The following EPB41L3 variants were observed in gnomAD, a reference collection of about 807,000 sequenced individuals.
The protein encoded by EPB41L3 is band 4.1-like protein 3.
In EPB41L3, 57 loss-of-function variants were observed where a neutral mutation model predicts 127.1. That is an observed-to-expected ratio of 0.45 (90% confidence interval 0.36 to 0.56). The LOEUF (loss-of-function observed/expected upper bound fraction) is 0.56, where lower values mean the gene tolerates loss of function less well. Ranked by LOEUF, EPB41L3 falls within the 20% of genes least tolerant of loss-of-function variation. The probability of loss-of-function intolerance (pLI) is 0.00; values close to 1 mark genes in which losing one functional copy is unlikely to be tolerated. For missense variants in EPB41L3, 1,273 were observed against 1,372.2 expected (o/e 0.93, Z 1.14); for synonymous variants, 572 against 549.5 (o/e 1.04, Z -0.57).
intron 3 of EPB41L3, among the ~76,000 whole-genome samples, chr18:5,573,309 G>C (rs1203418620): frequency 6.6e-6 from 1 of 152,174 alleles, no homozygotes; most frequent in East Asian, 1.9e-4. Context: ...TCTACCCACA[G>C]AAGTAAGAGA....
At chr18:5,615,261 T>C (rs1432252631) in intron 1 of EPB41L3, among the ~76,000 whole-genome samples, 1 of 152,138 alleles carries the variant, frequency 6.6e-6, no homozygotes, top group African/African-American at 2.4e-5. Context: ...TTGAGAAGCA[T>C]GGAGCAAGGA....
chr18:5,622,100 T>C (rs2094869603), intron 1 of EPB41L3, among the ~76,000 whole-genome samples: 1 of 152,170 alleles, frequency 6.6e-6, no homozygotes, highest in East Asian at 1.9e-4. Context: ...GAAAATTACA[T>C]TTAAATATAC....
chr18:5,415,925 G>T lies in EPB41L3; in HGVS notation c.1960C>A (p.Leu654Ile), dbSNP rs765056012. The T allele has an allele frequency of 6.2e-7, 1 of 1,613,980 alleles. No individual in the cohort carries two copies. The highest frequency in any genetic ancestry group is 8.5e-7 in the Non-Finnish European group (1 of 1,180,038). The change falls in exon 13 of 23, where the codon CTC becomes ATC. Residue 654 changes from leucine to isoleucine, a missense_variant. Leu to Ile is a conservative substitution (Grantham distance 5, BLOSUM62 2). This residue lies in a region of EPB41L3 where 765 missense variants were observed against 782.9 expected (regional missense o/e 0.98). Transcript: ENST00000341928. ...LSASFSVPYA[L>I]TLSFPLALCL... ...AGAGCCAGAGGGAAGGAGAGAGTGA[G>T]AGCGTATGGCACTGAGAAGGAGGCA...
At chr18:5,427,126 C>A (rs949362361) in intron 9 of EPB41L3, among the ~76,000 whole-genome samples, 4 of 152,106 alleles carry the variant, frequency 2.6e-5, no homozygotes, top group South Asian at 2.1e-4. Flanking sequence ...CCCTTGGCCT[C>A]CCAAAGTTCT....
At chr18:5,557,147 C>T (rs932100671) in intron 3 of EPB41L3, among the ~76,000 whole-genome samples, 10 of 152,090 alleles carry the variant, frequency 6.6e-5, no homozygotes, top group African/African-American at 2.2e-4. Context: ...AATGCTGGGA[C>T]GAAGCAGCCA....
At chr18:5,594,367 C>T (rs1007013824) in intron 3 of EPB41L3, among the ~76,000 whole-genome samples, 5 of 152,160 alleles carry the variant, frequency 3.3e-5, no homozygotes, top group Non-Finnish European at 7.3e-5. Flanking sequence ...GTAAACCTCT[C>T]AATTACATTT....
intron 3 of EPB41L3, among the ~76,000 whole-genome samples, chr18:5,452,864 C>T (rs566936247): frequency 1.3e-5 from 2 of 152,240 alleles, no homozygotes; most frequent in East Asian, 3.9e-4. Flanking sequence ...TACTCAAGAT[C>T]CTGTCACATT....
chr18:5,491,292 G>A (rs1455726797), intron 1 of EPB41L3, among the ~76,000 whole-genome samples: 2 of 152,160 alleles, frequency 1.3e-5, no homozygotes, highest in African/African-American at 2.4e-5. Flanking sequence ...TGACCTCATG[G>A]ACCATGACCC....
intron 3 of EPB41L3, among the ~76,000 whole-genome samples, chr18:5,554,803 T>C (rs1002573424): frequency 6.6e-6 from 1 of 152,016 alleles, no homozygotes; most frequent in Non-Finnish European, 1.5e-5. Context: ...TGCTCATGTG[T>C]ACAAACAATG....
intron 3 of EPB41L3, among the ~76,000 whole-genome samples, chr18:5,581,356 C>CAGTG (rs2094391755): frequency 6.6e-6 from 1 of 151,950 alleles, no homozygotes. Context: ...TAAGGTACAC[C>CAGTG]AGTGAGTTTA....
chr18:5,404,626 A>G (rs1475133581), intron 16 of EPB41L3, among the ~76,000 whole-genome samples: 4 of 152,208 alleles, frequency 2.6e-5, no homozygotes, highest in Non-Finnish European at 4.4e-5. Context: ...AATGTAAAAA[A>G]AACATATCTT....
intron 1 of EPB41L3, among the ~76,000 whole-genome samples, chr18:5,510,878 A>G (rs2092476329): frequency 6.6e-6 from 1 of 152,190 alleles, no homozygotes; most frequent in Non-Finnish European, 1.5e-5. Context: ...TTTTTACCTT[A>G]AAAGCTAGCT....
At chr18:5,523,883 T>A (rs1319881296) in intron 1 of EPB41L3, among the ~76,000 whole-genome samples, 1 of 152,152 alleles carries the variant, frequency 6.6e-6, no homozygotes, top group Non-Finnish European at 1.5e-5. Context: ...TAAAAAAAAA[T>A]TCCAAAAGTA....
chr18:5,440,113 C>T (rs2080453135), intron 5 of EPB41L3, among the ~76,000 whole-genome samples: 1 of 152,162 alleles, frequency 6.6e-6, no homozygotes, highest in African/African-American at 2.4e-5. Context: ...AATTCCCAGG[C>T]TCCACCCCAG....
chr18:5,429,413 G>A (rs1167605684), intron 8 of EPB41L3: 1 of 152,144 alleles, frequency 6.6e-6, no homozygotes, highest in African/African-American at 2.4e-5. Context: ...ACGAACATTT[G>A]TGGTGGCCAT....
intron 1 of EPB41L3, among the ~76,000 whole-genome samples, chr18:5,518,278 C>A (rs1277745618): frequency 6.6e-6 from 1 of 152,078 alleles, no homozygotes; most frequent in Non-Finnish European, 1.5e-5. Context: ...GGCTTCCCTG[C>A]CACTCCCACC....
intron 3 of EPB41L3, among the ~76,000 whole-genome samples, chr18:5,453,644 C>T: frequency 6.6e-6 from 1 of 152,160 alleles, no homozygotes; most frequent in Non-Finnish European, 1.5e-5. Flanking sequence ...TTCATTCTCT[C>T]CATCACCTAT....
chr18:5,445,342 G>A, intron 3 of EPB41L3, 98 bp from the exon 4 acceptor site: 1 of 978,696 alleles, frequency 1.0e-6, no homozygotes, highest in Non-Finnish European at 1.6e-6. Flanking sequence ...ACATTGCTTG[G>A]TGTAACTTTA....
chr18:5,620,212 A>G (rs1045714723), intron 1 of EPB41L3, among the ~76,000 whole-genome samples: 1 of 152,214 alleles, frequency 6.6e-6, no homozygotes, highest in Admixed American at 6.5e-5. Context: ...CTCTATCACA[A>G]AGATGAATAA....
Sources: allele counts gnomAD v4.1 joint callset (sites outside exome capture counted in the v4.1 genomes callset), GRCh38; gene constraint gnomAD v4.1.1; regional missense constraint gnomAD v4.1.1; transcripts MANE v1.5; gene names NCBI Gene and HGNC (gene_info 2026-07-23, HGNC 2026-07-21).